The following EPN2 variants were observed in gnomAD, a reference collection of about 807,000 sequenced individuals.
EPN2 encodes the protein epsin-2.
Under a neutral mutation model 61.7 loss-of-function variants are expected in EPN2, and 34 were observed. The ratio of observed to expected loss-of-function variants is 0.55; its 90% CI spans 0.42 to 0.73. The LOEUF (loss-of-function observed/expected upper bound fraction) is 0.73, where lower values mean the gene tolerates loss of function less well. EPN2 is among the 30% of genes least tolerant of loss of function. EPN2 has a pLI of 0.00. For synonymous variants in EPN2, 349 were observed against 353.6 expected (o/e 0.99, Z 0.15); for missense variants, 714 against 839.2 (o/e 0.85, Z 1.84).
intron 1 of EPN2, among the ~76,000 whole-genome samples, chr17:19,271,316 C>G (rs913693827): frequency 6.6e-6 from 1 of 152,214 alleles, no homozygotes; most frequent in African/African-American, 2.4e-5. Flanking sequence ...AGGAGCCAGT[C>G]TAGTGACAGA....
Position 19,334,214 on chromosome 17 carries a change from C to T in EPN2, c.1886C>T (p.Ala629Val). 2 of 1,510,792 alleles carry T rather than the reference C, an allele frequency of 1.3e-6. No individual in the cohort carries two copies. The highest frequency in any genetic ancestry group is 2.4e-5 in the East Asian group (1 of 40,912). The allele number at this position is 1,510,792 out of a possible 1,614,324, so 93.6% of individuals were successfully genotyped here. A position where few individuals can be genotyped will look rare whatever the true frequency, so the allele number is the denominator to read the frequency against. Reference protein sequence around the residue: ...MVGSVGIPPSAAQATGTTNPF... With the variant: ...MVGSVGIPPSVAQATGTTNPF... ...GGCAGTGTGGGTATACCCCCATCAG[C>T]AGCCCAGGCCACTGGCACAACCAAC... The change falls in exon 11 of 11, where the codon GCA (alanine) becomes GTA (valine). Residue 629 changes from alanine to valine, a missense_variant. Ala to Val is a moderately conservative substitution (Grantham distance 64). This residue lies in a region of EPN2 where 410 missense variants were observed against 421.8 expected (regional missense o/e 0.97). Coordinates refer to ENST00000314728, the MANE Select transcript of EPN2 (RefSeq NM_014964.5). The surrounding 1 kb of genome is among the most constrained non-coding windows in gnomAD (Gnocchi z 4.9).
intron 1 of EPN2, among the ~76,000 whole-genome samples, chr17:19,256,499 T>G (rs955798614): frequency 6.6e-6 from 1 of 151,860 alleles, no homozygotes; most frequent in African/African-American, 2.4e-5. Flanking sequence ...TTAGGCCATT[T>G]CATGTCTTTT....
At chr17:19,329,145 C>A (rs1907042765) in intron 8 of EPN2, 2 of 482,938 alleles carry the variant, frequency 4.1e-6, no homozygotes, top group South Asian at 3.5e-5. Flanking sequence ...GAGAAGACTG[C>A]CCTGGGCCCA....
At chr17:19,244,521 CT>C (rs1180730441) in intron 1 of EPN2, among the ~76,000 whole-genome samples, 1 of 151,914 alleles carries the variant, frequency 6.6e-6, no homozygotes, top group Non-Finnish European at 1.5e-5. Context: ...TTGTTGGGTC[CT>C]GGATTCCCAC....
At chr17:19,284,404 TC>T in intron 3 of EPN2, among the ~76,000 whole-genome samples, 1 of 152,242 alleles carries the variant, frequency 6.6e-6, no homozygotes, top group East Asian at 1.9e-4. Flanking sequence ...TCTCTGTGAG[TC>T]ACATTGGCAT....
intron 7 of EPN2, among the ~76,000 whole-genome samples, chr17:19,315,500 CTTTTTTTT>C (rs1332195869): frequency 6.6e-6 from 1 of 150,852 alleles, no homozygotes; most frequent in Non-Finnish European, 1.5e-5. Flanking sequence ...TTTTTTTTTT[CTTTTTTTT>C]GAGACAGTCT....
intron 1 of EPN2, among the ~76,000 whole-genome samples, chr17:19,277,420 A>AAG (rs1056379789): frequency 4.0e-5 from 6 of 150,632 alleles, no homozygotes; most frequent in East Asian, 3.9e-4. Context: ...AAAAAAAAAA[A>AAG]AGAGAGAAAT....
intron 1 of EPN2, among the ~76,000 whole-genome samples, chr17:19,253,203 A>G (rs889450736): frequency 1.6e-4 from 25 of 152,162 alleles, no homozygotes; most frequent in African/African-American, 5.8e-4. Flanking sequence ...TGGACATTTC[A>G]TATAAATGCA....
At chr17:19,241,383 C>T (rs1042588352) in intron 1 of EPN2, among the ~76,000 whole-genome samples, 3 of 152,014 alleles carry the variant, frequency 2.0e-5, no homozygotes, top group Admixed American at 6.6e-5. Flanking sequence ...GTCAAGGGAT[C>T]GAGACCATTC....
In EPN2 at chr17:19,270,204, C is replaced by T. The variant is rs978464708; in HGVS notation, c.-293-11751C>T. ...AGATGCCATCAGTGGACACATGTGACCTGCTCAGTTAGTATTCACTAGCCT... is the reference window on the plus strand; with the variant it reads ...AGATGCCATCAGTGGACACATGTGATCTGCTCAGTTAGTATTCACTAGCCT... On this transcript the variant is annotated intron_variant, in intron 1 of 10. Transcript: ENST00000314728. 3.3e-5 allele frequency among the ~76,000 whole-genome samples: 5 copies of T among 152,172 alleles called. No homozygotes were observed. In the South Asian group the frequency reaches 6.2e-4, roughly 19 times the overall value.
At position 19,283,597 on chromosome 17, in the gene EPN2, G is replaced by T; in HGVS notation, c.478G>T (p.Gly160Cys). The T allele has an allele frequency of 6.2e-7, 1 of 1,614,170 alleles. No individual in the cohort carries two copies. The highest frequency in any genetic ancestry group is 8.5e-7 in the Non-Finnish European group (1 of 1,180,028). Residue 160 changes from glycine (G) to cysteine (C), a missense_variant, in exon 3 of 11, where the codon GGC (glycine) becomes TGC (cysteine). Gly to Cys is a radical substitution (Grantham distance 159). Around this residue, in one of 2 missense-constraint regions of EPN2, gnomAD observed 304 missense variants for 417.4 expected, o/e 0.73. Coordinates refer to ENST00000314728, the MANE Select transcript of EPN2 (RefSeq NM_014964.5). This position sits in a 1 kb window ranked among gnomAD's most constrained non-coding sequence, Gnocchi z 7.0. ...AGAGCGCATGGCCCAGGTTGCCACT[G>T]GCATGGGCAGCAACCAGATCACCTT... is the stretch of plus-strand genomic sequence containing the variant. The part of the protein sequence containing the change: ...TKERMAQVAT[G>C]MGSNQITFGR...
intron 7 of EPN2, among the ~76,000 whole-genome samples, chr17:19,317,527 C>T (rs890808119): frequency 1.3e-5 from 2 of 152,194 alleles, no homozygotes; most frequent in Non-Finnish European, 2.9e-5. Context: ...TTGTGACTGC[C>T]TCCCTGTGCA....
intron 4 of EPN2, among the ~76,000 whole-genome samples, chr17:19,289,912 A>T (rs1381150590): frequency 6.6e-6 from 1 of 151,366 alleles, no homozygotes; most frequent in Non-Finnish European, 1.5e-5. Context: ...TTTAGTAGAG[A>T]TGAGGTTTCA....
intron 4 of EPN2, 76 bp from the exon 5 acceptor site, chr17:19,309,809 T>G: frequency 8.8e-7 from 1 of 1,141,954 alleles, no homozygotes; most frequent in South Asian, 1.2e-5. Flanking sequence ...TGGAATGTGG[T>G]CTGCCCAGGA....
chr17:19,309,848 T>A, intron 4 of EPN2, 37 bp from the exon 5 acceptor site: 1 of 1,550,104 alleles, frequency 6.5e-7, no homozygotes, highest in Non-Finnish European at 8.8e-7. Flanking sequence ...GTATCAGCCT[T>A]GTCTTTTGCA....
chr17:19,298,167 C>A (rs1428630439), intron 4 of EPN2, among the ~76,000 whole-genome samples: 1 of 152,116 alleles, frequency 6.6e-6, no homozygotes, highest in Non-Finnish European at 1.5e-5. Context: ...AGCCACCACG[C>A]CCAGCCTCAT....
At chr17:19,320,259 C>T (rs1030504841) in intron 7 of EPN2, among the ~76,000 whole-genome samples, 1 of 152,198 alleles carries the variant, frequency 6.6e-6, no homozygotes, top group Non-Finnish European at 1.5e-5. Flanking sequence ...CTGTGACCCG[C>T]ATGCTGGCTG....
chr17:19,324,435 G>C (rs1906774699), intron 7 of EPN2, among the ~76,000 whole-genome samples: 1 of 152,190 alleles, frequency 6.6e-6, no homozygotes, highest in South Asian at 2.1e-4. Context: ...CCGGGTTCAA[G>C]CAATTCTCCT....
chr17:19,326,683 T>G (rs1906886320), intron 7 of EPN2, among the ~76,000 whole-genome samples: 1 of 1,414 alleles, frequency 7.1e-4, no homozygotes, highest in African/African-American at 0.012. Context: ...CGAGACTCCG[T>G]CTCAAAAAAA....
Sources: allele counts gnomAD v4.1 joint callset (sites outside exome capture counted in the v4.1 genomes callset), GRCh38; gene constraint gnomAD v4.1.1; regional missense constraint gnomAD v4.1.1; non-coding constraint Gnocchi (gnomAD v3.1); transcripts MANE v1.5; gene names NCBI Gene and HGNC (gene_info 2026-07-23, HGNC 2026-07-21).